The following PCDHA12 variants were observed in gnomAD, a reference collection of about 807,000 sequenced individuals.
The protein encoded by PCDHA12 is protocadherin alpha-12.
A neutral mutation model predicts 60.0 loss-of-function variants in PCDHA12; 44 were observed. That is an observed-to-expected ratio of 0.73 (90% CI 0.58 to 0.94). PCDHA12 has a LOEUF of 0.94. Among genes scored for constraint, PCDHA12 ranks in the 40% least tolerant of loss-of-function variants. The pLI is 0.00. For synonymous variants in PCDHA12, 569 were observed against 553.0 expected, an observed-to-expected ratio of 1.03 and a Z score of -0.40; for missense variants, 1,276 against 1,239.7, an observed-to-expected ratio of 1.03 and a Z score of -0.44.
At chr5:140,923,630 G>T (rs1278599561) in intron 1 of PCDHA12, among the ~76,000 whole-genome samples, 1 of 152,106 alleles carries the variant, frequency 6.6e-6, no homozygotes, top group Admixed American at 6.5e-5. Flanking sequence ...TATCCAAAAG[G>T]CAAAAATCTT....
intron 3 of PCDHA12, among the ~76,000 whole-genome samples, chr5:141,005,559 G>A (rs980622255): frequency 6.6e-6 from 1 of 151,190 alleles, no homozygotes; most frequent in Admixed American, 6.6e-5. Flanking sequence ...AAAATTAGCC[G>A]GGCATGGTGG....
intron 3 of PCDHA12, among the ~76,000 whole-genome samples, chr5:140,985,476 T>C (rs1554247100): frequency 6.6e-6 from 1 of 152,162 alleles, no homozygotes; most frequent in Admixed American, 6.6e-5. Flanking sequence ...ATTTGGTTGT[T>C]TCCAGACTCA....
chr5:140,974,672 T>G lies in PCDHA12; in HGVS notation c.2368-4277T>G, dbSNP rs186958750. On this transcript the variant is annotated intron_variant, in intron 1 of 3. Coordinates refer to ENST00000398631, the MANE Select transcript of PCDHA12 (RefSeq NM_018903.4). ...GATTACAGGCATGCGCCACCATGCC[T>G]GGCTAATTTTGTATTTTTGGGTTTC... 4.6e-3 allele frequency among the ~76,000 whole-genome samples: 694 copies of G among 152,134 alleles called. 4 individuals are homozygous for G. Among genetic ancestry groups the G allele is most frequent in the African/African-American group, 0.016 (672 of 41,518 alleles).
At chr5:140,945,371 A>G (rs926668947) in intron 1 of PCDHA12, among the ~76,000 whole-genome samples, 2 of 152,104 alleles carry the variant, frequency 1.3e-5, no homozygotes, top group African/African-American at 4.8e-5. Context: ...AAATGTCCAT[A>G]TTACCCAAAG....
In PCDHA12 at chr5:140,966,787, A is replaced by C. The variant is rs781920865; in HGVS notation, c.2368-12162A>C. 5.9e-5 allele frequency: 90 copies of C among 1,526,700 alleles called. No homozygotes were observed. Among genetic ancestry groups the C allele is most frequent in the Non-Finnish European group, 7.7e-5 (88 of 1,139,948 alleles). The allele number at this position is 1,526,700 out of a possible 1,614,324, so 94.6% of individuals were successfully genotyped here. On this transcript the variant is annotated intron_variant, in intron 1 of 3. Coordinates refer to ENST00000398631, the MANE Select transcript of PCDHA12 (RefSeq NM_018903.4). ...TGGCTATGGAGCAGGCGGGCACCAG[A>C]CCTGCGGCGACAGAGCATCCACGGC...
At chr5:140,941,901 GA>G (rs782298792) in intron 1 of PCDHA12, among the ~76,000 whole-genome samples, 1 of 152,130 alleles carries the variant, frequency 6.6e-6, no homozygotes, top group African/African-American at 2.4e-5. Context: ...AAGTAACATT[GA>G]AATGCTTTTA....
chr5:141,010,949 C>T lies in PCDHA12; in HGVS notation c.*1012C>T, dbSNP rs1554263219. The T allele has an allele frequency of 6.5e-6, 1 of 153,762 alleles. No individual in the cohort carries two copies. Among genetic ancestry groups the T allele is most frequent in the African/African-American group, 2.4e-5 (1 of 41,442 alleles). 9.5% of individuals were successfully genotyped at this position (153,762 alleles called of 1,614,324 possible). On this transcript the variant is annotated 3_prime_UTR_variant, in exon 4 of 4. Transcript: ENST00000398631. ...TTCAGTCTACAGCCATTTAAATGAT[C>T]ATTGCTGCTACAGAAGTGCTTTAAG...
At chr5:140,945,437 A>T (rs2093790061) in intron 1 of PCDHA12, among the ~76,000 whole-genome samples, 1 of 152,192 alleles carries the variant, frequency 6.6e-6, no homozygotes, top group South Asian at 2.1e-4. Context: ...TTTTACAGAA[A>T]TATAAAAAAC....
At chr5:140,882,806 T>G in intron 1 of PCDHA12, 2 of 1,614,218 alleles carry the variant, frequency 1.2e-6, no homozygotes, top group Non-Finnish European at 1.7e-6. Flanking sequence ...TTATTTCACT[T>G]TGGACGCACA....
intron 1 of PCDHA12, among the ~76,000 whole-genome samples, chr5:140,944,014 C>A (rs1205860914): frequency 1.3e-5 from 2 of 152,022 alleles, no homozygotes; most frequent in African/African-American, 2.4e-5. Context: ...CCCCCAAAAG[C>A]AATTATCTTC....
chr5:140,979,359 T>C (rs1554240585), intron 2 of PCDHA12, among the ~76,000 whole-genome samples: 1 of 152,206 alleles, frequency 6.6e-6, no homozygotes, highest in Non-Finnish European at 1.5e-5. Context: ...TACTCATGCT[T>C]TGAGACTTGG....
At chr5:140,972,170 C>G (rs1001419960) in intron 1 of PCDHA12, among the ~76,000 whole-genome samples, 2 of 152,034 alleles carry the variant, frequency 1.3e-5, no homozygotes, top group African/African-American at 4.8e-5. Flanking sequence ...GAGACAGAGT[C>G]TTGGCCTGTC....
intron 3 of PCDHA12, among the ~76,000 whole-genome samples, chr5:141,007,525 G>C (rs782132903): frequency 1.3e-4 from 19 of 151,814 alleles, no homozygotes; most frequent in Non-Finnish European, 2.5e-4. Context: ...CTGATATCTC[G>C]CCACTGCACT....
chr5:140,913,106 T>C (rs1308946519), intron 1 of PCDHA12, among the ~76,000 whole-genome samples: 1 of 152,194 alleles, frequency 6.6e-6, no homozygotes, highest in Admixed American at 6.6e-5. Flanking sequence ...CCTCATAGAA[T>C]CAGTTTGGAA....
intron 3 of PCDHA12, among the ~76,000 whole-genome samples, chr5:140,989,984 C>T (rs907486922): frequency 3.3e-5 from 5 of 152,032 alleles, no homozygotes; most frequent in African/African-American, 1.2e-4. Context: ...ACAGCCCTGC[C>T]TGAAATTGTC....
chr5:140,888,513 A>C (rs1208227299), intron 1 of PCDHA12, among the ~76,000 whole-genome samples: 5 of 152,216 alleles, frequency 3.3e-5, no homozygotes, highest in African/African-American at 4.8e-5. Context: ...TCTTGGACTT[A>C]GTTCTGACGT....
At chr5:140,948,273 T>A (rs1563231021) in intron 1 of PCDHA12, among the ~76,000 whole-genome samples, 1 of 151,602 alleles carries the variant, frequency 6.6e-6, no homozygotes, top group South Asian at 2.1e-4. Context: ...ATGTAGAATA[T>A]CTGTAAATAA....
chr5:140,966,613 A>T, intron 1 of PCDHA12: 1 of 756,596 alleles, frequency 1.3e-6, no homozygotes, highest in Non-Finnish European at 1.9e-6. Flanking sequence ...GGGAGGGCCT[A>T]CGGAGGGAGC....
chr5:140,884,276 G>A (rs2060082773), intron 1 of PCDHA12: 4 of 1,613,638 alleles, frequency 2.5e-6, no homozygotes, highest in East Asian at 2.2e-5. Flanking sequence ...GTTGTCGCTG[G>A]TGGAGAGCGG....
Sources: gnomAD v4.1 joint callset for allele counts (sites outside exome capture counted in the v4.1 genomes callset) on GRCh38, gnomAD v4.1.1 for gene constraint, MANE v1.5 for transcripts, NCBI Gene and HGNC (gene_info 2026-07-23, HGNC 2026-07-21) for gene names.